PDZRN3: variants seen among roughly 807,000 people sequenced by gnomAD.
PDZRN3 encodes the protein PDZ domain containing ring finger 3, also known as E3 ubiquitin-protein ligase PDZRN3.
A neutral mutation model predicts 85.7 loss-of-function variants in PDZRN3; 38 were observed. The ratio of observed to expected loss-of-function variants is 0.44; its 90% CI spans 0.34 to 0.58. The LOEUF is 0.58. Ranked by LOEUF, PDZRN3 falls within the 20% of genes least tolerant of loss-of-function variation. The pLI, the probability that PDZRN3 is intolerant of heterozygous loss-of-function variation, is 0.01. For missense variants in PDZRN3, 1,629 were observed against 1,506.4 expected (o/e 1.08, Z -1.35); for synonymous variants, 759 against 638.0 (o/e 1.19, Z -2.86).
At chr3:73,562,433 G>A (rs542884967) in intron 3 of PDZRN3, among the ~76,000 whole-genome samples, 18 of 152,216 alleles carry the variant, frequency 1.2e-4, no homozygotes, top group African/African-American at 3.6e-4. Flanking sequence ...GAAATTAGAC[G>A]TGGTTTCCAG....
intron 3 of PDZRN3, among the ~76,000 whole-genome samples, chr3:73,498,347 A>G (rs1703907686): frequency 6.6e-6 from 1 of 152,190 alleles, no homozygotes; most frequent in African/African-American, 2.4e-5. Context: ...GTTGGGGGAC[A>G]GTTGGTAGTA....
intron 3 of PDZRN3, among the ~76,000 whole-genome samples, chr3:73,586,845 T>C (rs1355097692): frequency 6.6e-6 from 1 of 152,192 alleles, no homozygotes; most frequent in Non-Finnish European, 1.5e-5. Flanking sequence ...TGTCCCTTTG[T>C]GGTAAGTCTA....
intron 3 of PDZRN3, among the ~76,000 whole-genome samples, chr3:73,460,898 A>G (rs1703090845): frequency 2.0e-5 from 3 of 152,020 alleles, no homozygotes; most frequent in African/African-American, 7.3e-5. Flanking sequence ...GGTTCAAGCA[A>G]TTCTCCTGCC....
chr3:73,451,235 G>A (rs1017539650), intron 3 of PDZRN3, among the ~76,000 whole-genome samples: 2 of 152,148 alleles, frequency 1.3e-5, no homozygotes, highest in African/African-American at 2.4e-5. Flanking sequence ...GTAATTAATG[G>A]TGTCTTTCAG....
At chr3:73,400,489 G>T (rs1251499133) in intron 5 of PDZRN3, among the ~76,000 whole-genome samples, 2 of 152,134 alleles carry the variant, frequency 1.3e-5, no homozygotes, top group African/African-American at 4.8e-5. Context: ...GTGAAGCAGT[G>T]AACAAACCCT....
chr3:73,468,950 C>T lies in PDZRN3; in HGVS notation c.919-64555G>A, dbSNP rs143131509. Among the ~76,000 whole-genome samples, 765 of 152,244 alleles carry T rather than the reference C, an allele frequency of 5.0e-3. 7 individuals are homozygous for T. The highest frequency in any genetic ancestry group is 0.014 in the African/African-American group (589 of 41,536). On this transcript the variant is annotated intron_variant, in intron 3 of 9. Coordinates refer to ENST00000263666, the MANE Select transcript of PDZRN3 (RefSeq NM_015009.3). Reference sequence around the variant, plus strand: ...AAGAAGCATGACAACTTTTGGTTTACGCCTGACACCTAATAGGTGTTCAAG... The same window carrying T: ...AAGAAGCATGACAACTTTTGGTTTATGCCTGACACCTAATAGGTGTTCAAG...
chr3:73,571,829 C>A (rs999083205), intron 3 of PDZRN3, among the ~76,000 whole-genome samples: 2 of 152,126 alleles, frequency 1.3e-5, no homozygotes, highest in Non-Finnish European at 2.9e-5. Context: ...CTGGTGTGGT[C>A]ACAAATGTGT....
chr3:73,479,374 T>A (rs1575680960), intron 3 of PDZRN3, among the ~76,000 whole-genome samples: 1 of 143,216 alleles, frequency 7.0e-6, no homozygotes. Context: ...TTTGCCAGCA[T>A]ACACCTTCTC....
intron 1 of PDZRN3, among the ~76,000 whole-genome samples, chr3:73,620,274 T>C (rs375116364): frequency 6.6e-6 from 1 of 152,122 alleles, no homozygotes; most frequent in East Asian, 1.9e-4. Context: ...GGATGGGAGG[T>C]TAAAGAACAA....
chr3:73,491,205 C>G (rs1291169885), intron 3 of PDZRN3, among the ~76,000 whole-genome samples: 1 of 152,178 alleles, frequency 6.6e-6, no homozygotes, highest in African/African-American at 2.4e-5. Context: ...CTCTGGGGTG[C>G]TTAGGAAGAA....
intron 3 of PDZRN3, among the ~76,000 whole-genome samples, chr3:73,509,472 A>G (rs988613983): frequency 6.6e-6 from 1 of 152,180 alleles, no homozygotes; most frequent in African/African-American, 2.4e-5. Flanking sequence ...TTCCTCTTCT[A>G]TAAAAACAAG....
chr3:73,412,984 C>T (rs977300436), intron 3 of PDZRN3, among the ~76,000 whole-genome samples: 1 of 152,184 alleles, frequency 6.6e-6, no homozygotes, highest in Non-Finnish European at 1.5e-5. Flanking sequence ...GGGTAAATTA[C>T]TCCATCTCTG....
intron 3 of PDZRN3, among the ~76,000 whole-genome samples, chr3:73,419,596 T>C (rs570511353): frequency 6.6e-6 from 1 of 152,360 alleles, no homozygotes; most frequent in Non-Finnish European, 1.5e-5. Context: ...GGATTTTTTT[T>C]CCTTTAAATC....
At chr3:73,587,509 G>GT (rs939492771) in intron 3 of PDZRN3, among the ~76,000 whole-genome samples, 1 of 152,216 alleles carries the variant, frequency 6.6e-6, no homozygotes, top group African/African-American at 2.4e-5. Context: ...AGATAGTATA[G>GT]TTTTTCAGAA....
chr3:73,615,429 C>G (rs1342454700), intron 1 of PDZRN3, among the ~76,000 whole-genome samples: 1 of 152,192 alleles, frequency 6.6e-6, no homozygotes, highest in East Asian at 1.9e-4. Flanking sequence ...ATGGGGTGTG[C>G]TACGATCTAA....
At chr3:73,456,226 G>T (rs1702975076) in intron 3 of PDZRN3, among the ~76,000 whole-genome samples, 1 of 151,958 alleles carries the variant, frequency 6.6e-6, no homozygotes, top group South Asian at 2.1e-4. Context: ...GCGCGCGTGC[G>T]CTTCTCCTTG....
At chr3:73,492,171 G>C (rs1270164694) in intron 3 of PDZRN3, among the ~76,000 whole-genome samples, 1 of 152,158 alleles carries the variant, frequency 6.6e-6, no homozygotes, top group Non-Finnish European at 1.5e-5. Flanking sequence ...CCAATTTCAA[G>C]GGGCCTCTGA....
chr3:73,465,511 A>C (rs1703195220), intron 3 of PDZRN3, among the ~76,000 whole-genome samples: 1 of 152,216 alleles, frequency 6.6e-6, no homozygotes, highest in Non-Finnish European at 1.5e-5. Flanking sequence ...ATCCCTTTCC[A>C]ATTTTGCAAG....
intron 3 of PDZRN3, among the ~76,000 whole-genome samples, chr3:73,467,063 A>G (rs1016610136): frequency 6.6e-6 from 1 of 152,194 alleles, no homozygotes; most frequent in Non-Finnish European, 1.5e-5. Flanking sequence ...AGGGACTGTC[A>G]TCAGACCCTA....
Sources: gnomAD v4.1 joint callset for allele counts (sites outside exome capture counted in the v4.1 genomes callset) on GRCh38, gnomAD v4.1.1 for gene constraint, MANE v1.5 for transcripts, NCBI Gene and HGNC (gene_info 2026-07-23, HGNC 2026-07-21) for gene names.